The following DDX23 variants were observed in gnomAD, a reference collection of about 807,000 sequenced individuals.
DDX23 encodes the protein probable ATP-dependent RNA helicase DDX23.
In DDX23, 33 loss-of-function variants were observed where a neutral mutation model predicts 102.7. The observed-to-expected ratio is 0.32, with a 90% CI of 0.24 to 0.43. The LOEUF (loss-of-function observed/expected upper bound fraction) is 0.43, where lower values mean the gene tolerates loss of function less well. Among genes scored for constraint, DDX23 ranks in the 20% least tolerant of loss-of-function variants. The probability of loss-of-function intolerance (pLI) is 1.00; values close to 1 mark genes in which losing one functional copy is unlikely to be tolerated. For missense variants in DDX23, 549 were observed against 1,086.6 expected, an observed-to-expected ratio of 0.51 and a Z score of 6.96; for synonymous variants, 352 against 376.0, an observed-to-expected ratio of 0.94 and a Z score of 0.74.
At chr12:48,851,185 T>C (rs1938751662) in intron 1 of DDX23, among the ~76,000 whole-genome samples, 2 of 152,178 alleles carry the variant, frequency 1.3e-5, no homozygotes, top group Non-Finnish European at 2.9e-5. Context: ...ACAACAGGGT[T>C]ATGAGGTCGG....
At chr12:48,833,865 A>G (rs1218211006) in intron 12 of DDX23, among the ~76,000 whole-genome samples, 1 of 152,140 alleles carries the variant, frequency 6.6e-6, no homozygotes, top group East Asian at 1.9e-4. Flanking sequence ...TATAAAGACT[A>G]AATTTTTTTA....
At chr12:48,843,886 G>A in intron 3 of DDX23, 54 bp downstream of exon 3, 2 of 1,577,250 alleles carry the variant, frequency 1.3e-6, no homozygotes, top group Non-Finnish European at 1.7e-6. Context: ...AAACTCAGGT[G>A]CAGAGAAGAA....
intron 2 of DDX23, 41 bp downstream of exon 2, chr12:48,845,533 T>C (rs747095228): frequency 2.5e-6 from 4 of 1,606,352 alleles, no homozygotes; most frequent in Non-Finnish European, 3.4e-6. Context: ...ATCTGAAACG[T>C]ACTCTCCCTT....
intron 3 of DDX23, among the ~76,000 whole-genome samples, chr12:48,840,887 T>C (rs1719922118): frequency 6.6e-6 from 1 of 151,990 alleles, no homozygotes; most frequent in African/African-American, 2.4e-5. Context: ...GAATTTAGCC[T>C]ACATGGCCAC....
chr12:48,836,713 C>T lies in DDX23; in HGVS notation c.1092G>A (p.Glu364=). 6.2e-7 allele frequency: 1 copy of T among 1,614,242 alleles called. No homozygotes were observed. Among genetic ancestry groups the T allele is most frequent in the South Asian group, 1.1e-5 (1 of 91,082 alleles). ...AGATCCGCCAGTCCCTGTCCGTCAT[C>T]TCATCTAACTTTTTCTGAGACCAAT... ...DRHWSQKKLD[E]MTDRDWRIFR... The change falls in exon 10 of 17, where the codon GAG becomes GAA. Residue 364 remains glutamate (E), a synonymous_variant. Coordinates refer to ENST00000308025, the MANE Select transcript of DDX23 (RefSeq NM_004818.3). The surrounding 1 kb of genome is among the most constrained non-coding windows in gnomAD (Gnocchi z 6.1).
intron 15 of DDX23, chr12:48,831,802 C>A: frequency 1.9e-6 from 1 of 518,396 alleles, no homozygotes; most frequent in Non-Finnish European, 3.4e-6. Flanking sequence ...CCTCAGACTG[C>A]CAGGATATGG....
rs757724499 is a variant in DDX23 at position 48,843,547 on chromosome 12, CTT to C, written c.320+391_320+392del. On this transcript the variant is annotated intron_variant, in intron 3 of 16. Coordinates refer to ENST00000308025, the MANE Select transcript of DDX23 (RefSeq NM_004818.3). ...TAAGAGAAATCTACTTTCTTTCTTT[CTT>C]TTTTTTTTTTTTTTTTTGAGACAGA... Among the ~76,000 whole-genome samples the C allele has an allele frequency of 3.9e-3, 460 of 117,460 alleles. 3 individuals are homozygous for C. The highest frequency in any genetic ancestry group is 0.012 in the African/African-American group (382 of 31,958). The allele number at this position is 117,460 out of a possible 152,430, so 77.1% of individuals were successfully genotyped here.
rs1480614398 is a variant in DDX23, at chr12:48,842,459, G to A, written c.320+1481C>T. Among the ~76,000 whole-genome samples the A allele has an allele frequency of 9.3e-5, 12 of 129,582 alleles. 1 individual carries two copies. The highest frequency in any genetic ancestry group is 4.6e-4 in the Admixed American group (6 of 13,172). The allele number at this position is 129,582 out of a possible 152,430, so 85.0% of individuals were successfully genotyped here. ...ATCCGGGAGGGAGGTAGGGGGGTCA[G>A]CCCCCCGCCCGGCCAGCCACCCCGT... is the stretch of plus-strand genomic sequence containing the variant. On this transcript the variant is annotated intron_variant, in intron 3 of 16. Transcript: ENST00000308025.
intron 1 of DDX23, among the ~76,000 whole-genome samples, chr12:48,849,665 G>GAAAA (rs906583243): frequency 4.5e-5 from 6 of 133,960 alleles, no homozygotes; most frequent in Non-Finnish European, 9.6e-5. Context: ...TGTCTCGAGA[G>GAAAA]AAAAAAAAAA....
rs780777985 is a variant in DDX23 at position 48,832,843 on chromosome 12, G to A, written c.1804-270C>T. 11 of 500,248 alleles carry A rather than the reference G, an allele frequency of 2.2e-5. No individual in the cohort carries two copies. Among genetic ancestry groups the A allele is most frequent in the East Asian group, 1.1e-4 (3 of 28,558 alleles). 31.0% of individuals were successfully genotyped at this position (500,248 alleles called of 1,614,324 possible). A position where few individuals can be genotyped will look rare whatever the true frequency, so the allele number is the denominator to read the frequency against. On this transcript the variant is annotated intron_variant, in intron 13 of 16. Coordinates refer to ENST00000308025, the MANE Select transcript of DDX23 (RefSeq NM_004818.3). The surrounding 1 kb of genome is among the most constrained non-coding windows in gnomAD (Gnocchi z 4.4). The stretch of plus-strand genomic sequence containing the variant: ...GGTAGCAGCATGAGTCTTTGGAATC[G>A]TTTTTCCAGGGCTAAGCTAAATGGC...
intron 1 of DDX23, among the ~76,000 whole-genome samples, chr12:48,847,912 C>G (rs1357572942): frequency 6.6e-6 from 1 of 152,226 alleles, no homozygotes; most frequent in Admixed American, 6.5e-5. Context: ...GGATTTCATT[C>G]ATTCTTTCAA....
At chr12:48,847,713 G>T (rs947697295) in intron 1 of DDX23, among the ~76,000 whole-genome samples, 2 of 152,138 alleles carry the variant, frequency 1.3e-5, no homozygotes, top group African/African-American at 2.4e-5. Flanking sequence ...CTACCCAGGA[G>T]GCTGAGGTGG....
At chr12:48,840,693 C>A (rs1193303428) in intron 3 of DDX23, among the ~76,000 whole-genome samples, 2 of 152,000 alleles carry the variant, frequency 1.3e-5, no homozygotes, top group Admixed American at 1.3e-4. Context: ...GCTGGGACTA[C>A]AGGCGAGTAC....
intron 12 of DDX23, among the ~76,000 whole-genome samples, chr12:48,833,908 G>A (rs1198906976): frequency 6.6e-6 from 1 of 152,142 alleles, no homozygotes; most frequent in Non-Finnish European, 1.5e-5. Flanking sequence ...TTCTACAGCA[G>A]ACTTCTCATA....
intron 6 of DDX23, 26 bp from the exon 7 acceptor site, chr12:48,837,683 C>A (rs763414627): frequency 6.2e-7 from 1 of 1,613,242 alleles, no homozygotes; most frequent in Non-Finnish European, 8.5e-7. Flanking sequence ...AGCAAAGCTG[C>A]AGAAGAGCTC....
rs769587766 is a variant in DDX23 at position 48,845,599 on chromosome 12, G to C, written c.184C>G (p.Arg62Gly). Residue 62 changes from arginine (R) to glycine (G), a missense_variant, in exon 2 of 17, where the codon CGT (arginine) becomes GGT (glycine). This residue lies in a region of DDX23 where 241 missense variants were observed against 267.0 expected (regional missense o/e 0.90). Coordinates refer to ENST00000308025, the MANE Select transcript of DDX23 (RefSeq NM_004818.3). The stretch of plus-strand genomic sequence containing the variant: ...CTTTCTGCAGATTTGGAACGGGAAC[G>C]AGAGCGAGAACGGCTGCCTCCTCGA... ...RRRGGSRSRSRSRSKSAERER... is the reference protein window; with the variant it reads ...RRRGGSRSRSGSRSKSAERER... 1.2e-6 allele frequency: 2 copies of C among 1,614,102 alleles called. No individual in the cohort carries two copies. The highest frequency in any genetic ancestry group is 1.7e-6 in the Non-Finnish European group (2 of 1,180,046).
Position 48,831,368 on chromosome 12 carries a change from AC to A in DDX23, c.2065-53del, listed in dbSNP as rs748028959. 4 of 1,582,004 alleles carry A rather than the reference AC, an allele frequency of 2.5e-6. No homozygotes were observed. The African/African-American group carries it at 4.0e-5, about 16-fold the overall frequency. ...GTGAGCAATGCAATCAAGGAGAGAC[AC>A]AGGAGTTCAGAGGAATGGGACACAG... On this transcript the variant is annotated intron_variant, in intron 15 of 16. Transcript: ENST00000308025.
In DDX23 at chr12:48,831,208, C is replaced by T. The variant is rs1408283341; in HGVS notation, c.2173G>A (p.Gly725Ser). 1 of 1,614,212 alleles carries T rather than the reference C, an allele frequency of 6.2e-7. No individual in the cohort carries two copies. The highest frequency in any genetic ancestry group is 1.7e-5 in the Admixed American group (1 of 60,028). The change falls in exon 16 of 17, where the codon GGT becomes AGT. Residue 725 changes from glycine to serine, a missense_variant. This residue lies in a region of DDX23 where 270 missense variants were observed against 707.0 expected (regional missense o/e 0.38). Coordinates refer to ENST00000308025, the MANE Select transcript of DDX23 (RefSeq NM_004818.3). ...KDILVATDVAGRGIDIQDVSM... is the reference protein window; with the variant it reads ...KDILVATDVASRGIDIQDVSM... ...ACATCTTGGATGTCAATACCACGAC[C>T]AGCCACATCTGTAGCCACCAAAATA...
intron 15 of DDX23, 24 bp from the exon 16 acceptor site, chr12:48,831,340 AGAGT>A: frequency 6.2e-7 from 1 of 1,613,002 alleles, no homozygotes; most frequent in South Asian, 1.1e-5. Context: ...GGTGAAGTGA[AGAGT>A]GAGCAATGCA....
Sources: gnomAD v4.1 joint callset for allele counts (sites outside exome capture counted in the v4.1 genomes callset) on GRCh38, gnomAD v4.1.1 for gene constraint, gnomAD v4.1.1 regional missense constraint, Gnocchi (gnomAD v3.1) non-coding constraint, MANE v1.5 for transcripts, NCBI Gene and HGNC (gene_info 2026-07-23, HGNC 2026-07-21) for gene names.